The following MTSS1 variants were observed in gnomAD, a reference collection of about 807,000 sequenced individuals.
MTSS1 encodes MTSS I-BAR domain containing 1.
MTSS1 carries 18 observed loss-of-function variants against 79.0 expected under a neutral mutation model. That is an observed-to-expected ratio of 0.23 (90% CI 0.16 to 0.34). MTSS1 has a LOEUF of 0.34. MTSS1 is among the 10% of genes least tolerant of loss of function. MTSS1 has a pLI of 1.00. For synonymous variants in MTSS1, 341 were observed against 368.6 expected, an observed-to-expected ratio of 0.93 and a Z score of 0.86; for missense variants, 815 against 986.2, an observed-to-expected ratio of 0.83 and a Z score of 2.33.
intron 3 of MTSS1, among the ~76,000 whole-genome samples, chr8:124,657,475 C>CA (rs58258455): frequency 0.12 from 12,634 of 106,800 alleles, 606 homozygotes; most frequent in Admixed American, 0.17. Context: ...GCAGAGTCAG[C>CA]AAAAAAAAAA....
chr8:124,651,161 A>G (rs1008601177), intron 3 of MTSS1, among the ~76,000 whole-genome samples: 1 of 152,196 alleles, frequency 6.6e-6, no homozygotes, highest in Admixed American at 6.5e-5. Context: ...TTAAACATGC[A>G]TTACAGCAAT....
chr8:124,604,218 TAAATA>T (rs535024689), intron 3 of MTSS1, among the ~76,000 whole-genome samples: 7 of 150,928 alleles, frequency 4.6e-5, no homozygotes, highest in African/African-American at 1.5e-4. Context: ...ATCTTAAAAA[TAAATA>T]AAATAAAATA....
intron 1 of MTSS1, among the ~76,000 whole-genome samples, chr8:124,716,182 G>A (rs950425854): frequency 8.5e-5 from 13 of 152,328 alleles, no homozygotes; most frequent in East Asian, 1.9e-4. Flanking sequence ...CAGCATACTC[G>A]AGATATAAAG....
At chr8:124,615,240 G>T (rs1010705867) in intron 3 of MTSS1, among the ~76,000 whole-genome samples, 1 of 151,994 alleles carries the variant, frequency 6.6e-6, no homozygotes, top group Admixed American at 6.6e-5. Context: ...AAGCCATGCT[G>T]GGGGGTAGGC....
At chr8:124,665,371 G>A (rs760825485) in intron 3 of MTSS1, among the ~76,000 whole-genome samples, 16 of 152,178 alleles carry the variant, frequency 1.1e-4, no homozygotes, top group Non-Finnish European at 1.8e-4. Context: ...ACCTGAGTTC[G>A]TAACATTTCA....
intron 3 of MTSS1, among the ~76,000 whole-genome samples, chr8:124,639,260 C>T (rs1817592168): frequency 6.6e-6 from 1 of 152,200 alleles, no homozygotes; most frequent in Non-Finnish European, 1.5e-5. Context: ...ATCGCTTGAA[C>T]CCAGGAGGCA....
In MTSS1 at chr8:124,593,628, G is replaced by C. The variant is rs532780619; in HGVS notation, c.209-2393C>G. On this transcript the variant is annotated intron_variant, in intron 3 of 13. Transcript: ENST00000518547. ...GTTGCAGGAAGACGTACAGCGCTTA[G>C]GATGTGCCAGGCACTGCTGTGAGTA... Among the ~76,000 whole-genome samples, 41 of 152,306 alleles carry C rather than the reference G, an allele frequency of 2.7e-4. No individual in the cohort carries two copies. In the South Asian group the frequency reaches 6.2e-3, roughly 23 times the overall value.
rs1822946723 is a variant in MTSS1, at chr8:124,553,569, G to T, written c.1691C>A (p.Ala564Asp). Reference protein sequence around the residue: ...ISQSYRRMFQAKRPASTAGLP... With the variant: ...ISQSYRRMFQDKRPASTAGLP... ...GCCAGCAGTTGAGGCTGGACGCTTG[G>T]CTTGGAACATCCGTCGGTAGGACTG... The change falls in exon 14 of 14, where the codon GCC becomes GAC. Residue 564 changes from alanine to aspartate, a missense_variant. Physicochemically the swap from Ala to Asp is moderately radical, Grantham distance 126. Around this residue, in one of 2 missense-constraint regions of MTSS1, gnomAD observed 590 missense variants for 620.8 expected, o/e 0.95. Transcript: ENST00000518547. The surrounding 1 kb of genome is among the most constrained non-coding windows in gnomAD (Gnocchi z 6.0). 1 of 1,614,162 alleles carries T rather than the reference G, an allele frequency of 6.2e-7. No homozygotes were observed. Among genetic ancestry groups the T allele is most frequent in the South Asian group, 1.1e-5 (1 of 91,080 alleles).
At chr8:124,596,134 C>T (rs575782140) in intron 3 of MTSS1, among the ~76,000 whole-genome samples, 13 of 152,298 alleles carry the variant, frequency 8.5e-5, no homozygotes, top group Non-Finnish European at 1.6e-4. Flanking sequence ...GCCACCAACC[C>T]GAACCTGCTC....
At chr8:124,592,994 T>C (rs1414793256) in intron 3 of MTSS1, among the ~76,000 whole-genome samples, 4 of 152,208 alleles carry the variant, frequency 2.6e-5, no homozygotes, top group East Asian at 3.8e-4. Context: ...GGGCCAAGTG[T>C]TGCCCGAATC....
intron 12 of MTSS1, 37 bp from the exon 13 acceptor site, chr8:124,555,941 AG>A (rs3841189): frequency 0.022 from 31,841 of 1,422,414 alleles, 729 homozygotes; most frequent in African/African-American, 0.13. Flanking sequence ...AGGTTGCTTT[AG>A]GGGGGGGGCT....
At chr8:124,587,261 C>CA (rs991477819) in intron 5 of MTSS1, among the ~76,000 whole-genome samples, 3 of 152,160 alleles carry the variant, frequency 2.0e-5, no homozygotes, top group African/African-American at 7.2e-5. Context: ...ATGAATGAGC[C>CA]AAGTCAGCCA....
At chr8:124,711,723 G>A (rs933898973) in intron 1 of MTSS1, among the ~76,000 whole-genome samples, 12 of 152,200 alleles carry the variant, frequency 7.9e-5, no homozygotes, top group Non-Finnish European at 1.3e-4. Context: ...AAGAAAGCAC[G>A]AGGCTGGGCG....
At chr8:124,695,451 C>T (rs569876668) in intron 3 of MTSS1, among the ~76,000 whole-genome samples, 3 of 152,212 alleles carry the variant, frequency 2.0e-5, no homozygotes, top group Non-Finnish European at 4.4e-5. Context: ...TACACCAACC[C>T]TAAGCCCAAA....
At chr8:124,704,582 GTGAC>G (rs768034260) in intron 1 of MTSS1, among the ~76,000 whole-genome samples, 4 of 152,228 alleles carry the variant, frequency 2.6e-5, no homozygotes, top group Non-Finnish European at 4.4e-5. Flanking sequence ...GGGAACCAGA[GTGAC>G]TGGGGCTCTT....
intron 1 of MTSS1, among the ~76,000 whole-genome samples, chr8:124,722,128 T>C (rs1016294547): frequency 1.3e-5 from 2 of 152,118 alleles, no homozygotes; most frequent in African/African-American, 2.4e-5. Context: ...AATTGATTTT[T>C]TTTTTTCACC....
At chr8:124,649,217 T>C (rs1273833776) in intron 3 of MTSS1, among the ~76,000 whole-genome samples, 1 of 152,248 alleles carries the variant, frequency 6.6e-6, no homozygotes, top group Non-Finnish European at 1.5e-5. Context: ...GCTTTTGCTC[T>C]ACAATGGGAG....
At chr8:124,620,470 T>G (rs1813283217) in intron 3 of MTSS1, among the ~76,000 whole-genome samples, 1 of 152,170 alleles carries the variant, frequency 6.6e-6, no homozygotes, top group East Asian at 1.9e-4. Flanking sequence ...CCCAAGGGTG[T>G]CTAGCAAGGT....
intron 1 of MTSS1, among the ~76,000 whole-genome samples, chr8:124,724,117 GA>G (rs762643674): frequency 4.1e-4 from 62 of 152,236 alleles, no homozygotes; most frequent in Admixed American, 7.8e-4. Context: ...CTTCTGATGG[GA>G]ACCCCAAAAC....
Sources: allele counts gnomAD v4.1 joint callset (sites outside exome capture counted in the v4.1 genomes callset), GRCh38; gene constraint gnomAD v4.1.1; regional missense constraint gnomAD v4.1.1; non-coding constraint Gnocchi (gnomAD v3.1); transcripts MANE v1.5; gene names NCBI Gene and HGNC (gene_info 2026-07-23, HGNC 2026-07-21).